Variants in CUL3 observed in about 807,000 individuals in gnomAD.
CUL3 encodes the protein cullin-3.
Under a neutral mutation model 89.1 loss-of-function variants are expected in CUL3, and 19 were observed. The observed-to-expected ratio is 0.21, with a 90% CI of 0.15 to 0.31. The LOEUF (loss-of-function observed/expected upper bound fraction) is 0.31, where lower values mean the gene tolerates loss of function less well. Ranked by LOEUF, CUL3 falls within the 10% of genes least tolerant of loss-of-function variation. The probability of loss-of-function intolerance (pLI) is 1.00; values close to 1 mark genes in which losing one functional copy is unlikely to be tolerated. For synonymous variants in CUL3, 351 were observed against 308.4 expected (o/e 1.14, Z -1.45); for missense variants, 469 against 942.3 (o/e 0.50, Z 6.58).
At chr2:224,584,860 T>C (rs1695541566) in intron 1 of CUL3, 84 bp downstream of exon 1, 4 of 1,061,374 alleles carry the variant, frequency 3.8e-6, no homozygotes, top group African/African-American at 1.7e-5. Context: ...CTGCGGCCTG[T>C]TGGGGGACTT....
At chr2:224,529,284 A>G (rs1693598317) in intron 3 of CUL3, among the ~76,000 whole-genome samples, 1 of 152,150 alleles carries the variant, frequency 6.6e-6, no homozygotes, top group Non-Finnish European at 1.5e-5. Flanking sequence ...ACCAGTACCA[A>G]ACTATCTTAT....
At chr2:224,524,677 C>G (rs553474109) in intron 3 of CUL3, among the ~76,000 whole-genome samples, 1 of 151,962 alleles carries the variant, frequency 6.6e-6, no homozygotes, top group South Asian at 2.1e-4. Flanking sequence ...ACCTGCCTGC[C>G]GGAACAAAAT....
intron 3 of CUL3, among the ~76,000 whole-genome samples, chr2:224,523,836 C>G (rs561745583): frequency 2.0e-5 from 3 of 152,118 alleles, no homozygotes; most frequent in Non-Finnish European, 4.4e-5. Flanking sequence ...CTTATGATTC[C>G]ACTTACATGA....
At chr2:224,504,598 G>A (rs1692519631) in intron 8 of CUL3, among the ~76,000 whole-genome samples, 1 of 152,220 alleles carries the variant, frequency 6.6e-6, no homozygotes, top group South Asian at 2.1e-4. Flanking sequence ...GTGAGCCACT[G>A]TGCCTGGCTG....
At chr2:224,481,384 GACTT>G in intron 14 of CUL3, among the ~76,000 whole-genome samples, 1 of 144,972 alleles carries the variant, frequency 6.9e-6, no homozygotes, top group East Asian at 2.1e-4. Flanking sequence ...TTTCATTATC[GACTT>G]ATATGGCTCT....
intron 3 of CUL3, among the ~76,000 whole-genome samples, chr2:224,515,497 C>T (rs897213828): frequency 3.9e-5 from 6 of 152,136 alleles, no homozygotes; most frequent in African/African-American, 1.4e-4. Context: ...TCTCTCTGGG[C>T]TTTGGTGGGT....
At chr2:224,575,820 T>C (rs1695285320) in intron 1 of CUL3, among the ~76,000 whole-genome samples, 1 of 152,152 alleles carries the variant, frequency 6.6e-6, no homozygotes, top group African/African-American at 2.4e-5. Context: ...TTTAAACTAG[T>C]AGGATGACAA....
rs2106151105 is a variant in CUL3, at chr2:224,481,885, C to T, written c.2029+7G>A. 1 of 1,453,536 alleles carries T rather than the reference C, an allele frequency of 6.9e-7. No homozygotes were observed. Among genetic ancestry groups the T allele is most frequent in the Non-Finnish European group, 9.1e-7 (1 of 1,097,190 alleles). The allele number at this position is 1,453,536 out of a possible 1,614,324, so 90.0% of individuals were successfully genotyped here. A position where few individuals can be genotyped will look rare whatever the true frequency, so the allele number is the denominator to read the frequency against. On this transcript the variant is annotated splice_region_variant and intron_variant, in intron 14 of 15. Transcript: ENST00000264414. ...TTTTTTGAGAGGAAAAATATAATTC[C>T]AGATACCTGTTTGAATCTTGACTCT... is the stretch of plus-strand genomic sequence containing the variant.
chr2:224,501,287 T>C (rs1228917733), intron 10 of CUL3, among the ~76,000 whole-genome samples: 1 of 152,222 alleles, frequency 6.6e-6, no homozygotes, highest in African/African-American at 2.4e-5. Context: ...TAACAACCTC[T>C]GCATACAGAT....
intron 2 of CUL3, among the ~76,000 whole-genome samples, chr2:224,544,323 T>A (rs1198316433): frequency 6.6e-6 from 1 of 152,230 alleles, no homozygotes; most frequent in African/African-American, 2.4e-5. Flanking sequence ...TCTTTCTGGC[T>A]CTAAATTCCA....
rs370818707 is a variant in CUL3 at position 224,514,666 on chromosome 2, C to T, written c.485G>A (p.Arg162Gln). Reference sequence around the variant, plus strand: ...TGCAATCATATCCAATAGAGTTTGCCGTAGATGATCCCTAATACACCCATA... The same window carrying T: ...TGCAATCATATCCAATAGAGTTTGCTGTAGATGATCCCTAATACACCCATA... ...VRYGCIRDHL[R>Q]QTLLDMIARE... Residue 162 changes from arginine to glutamine, a missense_variant, in exon 4 of 16, where the codon CGG becomes CAG. This residue lies in a region of CUL3 where 370 missense variants were observed against 733.2 expected (regional missense o/e 0.50). Transcript: ENST00000264414. The T allele has an allele frequency of 1.4e-5, 22 of 1,613,536 alleles. No homozygotes were observed. Among genetic ancestry groups the T allele is most frequent in the African/African-American group, 6.7e-5 (5 of 74,874 alleles).
intron 3 of CUL3, 86 bp from the exon 4 acceptor site, chr2:224,514,858 A>C: frequency 9.9e-7 from 1 of 1,005,324 alleles, no homozygotes; most frequent in Non-Finnish European, 1.4e-6. Context: ...AAGGAAATAA[A>C]ATTCCAAAAG....
chr2:224,521,986 T>TA (rs1249677830), intron 3 of CUL3, among the ~76,000 whole-genome samples: 7 of 151,648 alleles, frequency 4.6e-5, no homozygotes, highest in African/African-American at 9.7e-5. Flanking sequence ...TAAACAGGGT[T>TA]AAAAAAATCT....
intron 1 of CUL3, chr2:224,560,778 C>G (rs772818717): frequency 1.3e-5 from 2 of 152,232 alleles, no homozygotes; most frequent in African/African-American, 4.8e-5. Flanking sequence ...TCATGTCACT[C>G]ATTTGCTCAC....
At position 224,484,111 on chromosome 2, in the gene CUL3, T is replaced by C. The variant is rs999699580; in HGVS notation, c.1843-2033A>G. On this transcript the variant is annotated intron_variant, in intron 13 of 15. Coordinates refer to ENST00000264414, the MANE Select transcript of CUL3 (RefSeq NM_003590.5). ...GCTTGAACCTGGGAGGTCGAGGTTA[T>C]AGTGAGACATGATAATACCACTGCA... Among the ~76,000 whole-genome samples the C allele has an allele frequency of 2.0e-5, 3 of 152,176 alleles. No individual in the cohort carries two copies. In the East Asian group the frequency reaches 5.8e-4, roughly 29 times the overall value.
intron 3 of CUL3, among the ~76,000 whole-genome samples, chr2:224,523,930 GT>G (rs994639215): frequency 6.6e-6 from 1 of 152,130 alleles, no homozygotes; most frequent in African/African-American, 2.4e-5. Flanking sequence ...GAAAGTTACT[GT>G]TTAGTGAGTA....
At chr2:224,578,295 T>C (rs4674925) in intron 1 of CUL3, among the ~76,000 whole-genome samples, 28,799 of 152,004 alleles carry the variant, frequency 0.19, 3,041 homozygotes, top group South Asian at 0.27. Flanking sequence ...ATGATAGTCA[T>C]TAAAAACTAT....
intron 11 of CUL3, among the ~76,000 whole-genome samples, chr2:224,498,500 T>C (rs1309901913): frequency 6.6e-6 from 1 of 152,178 alleles, no homozygotes; most frequent in African/African-American, 2.4e-5. Flanking sequence ...TTTGCCTTTC[T>C]ACAGTTTATA....
Position 224,563,201 on chromosome 2 carries a change from T to C in CUL3, c.67-5345A>G, listed in dbSNP as rs770610565. ...ACACTATGATAAATGCACCTCAGTA[T>C]AACGTAGCTTTCTTTTAGAAAACAT... On this transcript the variant is annotated intron_variant, in intron 1 of 15. Coordinates refer to ENST00000264414, the MANE Select transcript of CUL3 (RefSeq NM_003590.5). 1.2e-4 allele frequency: 57 copies of C among 470,356 alleles called. No homozygotes were observed. The highest frequency in any genetic ancestry group is 2.0e-4 in the Non-Finnish European group (46 of 226,612). 29.1% of individuals were successfully genotyped at this position (470,356 alleles called of 1,614,324 possible).
Sources: gnomAD v4.1 joint callset for allele counts (sites outside exome capture counted in the v4.1 genomes callset) on GRCh38, gnomAD v4.1.1 for gene constraint, gnomAD v4.1.1 regional missense constraint, MANE v1.5 for transcripts, NCBI Gene and HGNC (gene_info 2026-07-23, HGNC 2026-07-21) for gene names.